The following RNF213 variants were observed in gnomAD, a reference collection of about 807,000 sequenced individuals.
The protein encoded by RNF213 is ring finger protein 213.
RNF213 carries 341 observed loss-of-function variants against 514.4 expected under a neutral mutation model. That is an observed-to-expected ratio of 0.66 (90% CI 0.61 to 0.73). RNF213 has a LOEUF of 0.73. RNF213 is among the 30% of genes least tolerant of loss of function. The pLI is 0.00. For synonymous variants in RNF213, 2,655 were observed against 2,658.2 expected (o/e 1.00, Z 0.04); for missense variants, 5,767 against 6,615.6 (o/e 0.87, Z 4.45).
chr17:80,335,809 C>G (rs1005331821), intron 22 of RNF213, among the ~76,000 whole-genome samples: 1 of 151,996 alleles, frequency 6.6e-6, no homozygotes, highest in Non-Finnish European at 1.5e-5. Context: ...AACCTGGTCT[C>G]TACTAAAAAT....
Position 80,291,639 on chromosome 17 carries a change from A to T in RNF213, c.1283A>T (p.His428Leu). 1 of 1,614,246 alleles carries T rather than the reference A, an allele frequency of 6.2e-7. No homozygotes were observed. The highest frequency in any genetic ancestry group is 8.5e-7 in the Non-Finnish European group (1 of 1,180,046). The part of the protein sequence containing the change: ...CELHYTRDLG[H>L]DRVLVEGIVC... ...CTGTTCATTCACAGAGACTTGGGTCATGACCGCGTTCTTGTTGAAGGCATT... is the reference window on the plus strand; with the variant it reads ...CTGTTCATTCACAGAGACTTGGGTCTTGACCGCGTTCTTGTTGAAGGCATT... Residue 428 changes from histidine (H) to leucine (L), a missense_variant, in exon 8 of 68, where the codon CAT becomes CTT. Physicochemically the swap from His to Leu is moderately conservative, Grantham distance 99. This residue lies in a region of RNF213 where 592 missense variants were observed against 673.9 expected (regional missense o/e 0.88). Transcript: ENST00000582970.
chr17:80,282,845 G>C (rs991641946), intron 3 of RNF213, among the ~76,000 whole-genome samples: 1 of 151,842 alleles, frequency 6.6e-6, no homozygotes, highest in Admixed American at 6.6e-5. Context: ...TTACAGGTGT[G>C]TGCCACCACG....
Position 80,287,860 on chromosome 17 carries a change from G to A in RNF213, c.307G>A (p.Ala103Thr), listed in dbSNP as rs1370518334. The A allele has an allele frequency of 5.0e-6, 8 of 1,604,096 alleles. No homozygotes were observed. Among genetic ancestry groups the A allele is most frequent in the East Asian group, 2.3e-5 (1 of 43,746 alleles). Residue 103 changes from alanine to threonine, a missense_variant, in exon 4 of 68, where the codon GCT becomes ACT. By Grantham distance (58) the Ala-to-Thr change is moderately conservative. Transcript: ENST00000582970. ...GAAGAAAAAGAAGGGGAACAAGTCC[G>A]CTTCCTCAGAGCTGGCTTCCTTGCC... Reference protein sequence around the residue: ...RKKKKKGNKSASSELASLPLS... With the variant: ...RKKKKKGNKSTSSELASLPLS...
rs182466675 is a variant in RNF213, at chr17:80,358,633, G to A, written c.11054+154G>A. 2.4e-3 allele frequency among the ~76,000 whole-genome samples: 361 copies of A among 152,280 alleles called. 6 individuals are homozygous for A. The highest frequency in any genetic ancestry group is 0.02 in the Admixed American group (302 of 15,296). On this transcript the variant is annotated intron_variant, in intron 37 of 67. Coordinates refer to ENST00000582970, the MANE Select transcript of RNF213 (RefSeq NM_001256071.3). ...TGCAGTAACAATAGGAAGTTTGGCC[G>A]GGCATGGTGGCTCACGCCTGTAATC...
In RNF213 at chr17:80,345,168, T is replaced by TG; in HGVS notation, c.6835dup (p.Val2279GlyfsTer7). 1 of 1,614,122 alleles carries TG rather than the reference T, an allele frequency of 6.2e-7. No homozygotes were observed. The highest frequency in any genetic ancestry group is 1.1e-5 in the South Asian group (1 of 91,084). ...TCTGACCAAAGCCCGGGGAAGCACATGGTCACCATGGATGGGGTTAGGGAA... is the reference window on the plus strand; with the variant it reads ...TCTGACCAAAGCCCGGGGAAGCACATGGGTCACCATGGATGGGGTTAGGGAA... On this transcript the variant is annotated frameshift_variant, in exon 29 of 68. Transcript: ENST00000582970. LOFTEE classifies it high-confidence loss of function. The surrounding 1 kb of genome is among the most constrained non-coding windows in gnomAD (Gnocchi z 6.0).
Position 80,337,821 on chromosome 17 carries a change from T to C in RNF213, c.4669-12T>C. ...CCCCAAGAAAGTGACTTCTAACCTA[T>C]GCTCTTCACAGATTTCCCCAGACAC... On this transcript the variant is annotated splice_polypyrimidine_tract_variant and intron_variant, in intron 24 of 67. Transcript: ENST00000582970. The C allele has an allele frequency of 6.5e-7, 1 of 1,536,944 alleles. No homozygotes were observed. Among genetic ancestry groups the C allele is most frequent in the Non-Finnish European group, 8.7e-7 (1 of 1,146,642 alleles).
At chr17:80,376,842 C>A in intron 52 of RNF213, 40 bp from the exon 53 acceptor site, 1 of 1,564,492 alleles carries the variant, frequency 6.4e-7, no homozygotes, top group Non-Finnish European at 8.8e-7. Context: ...AGGTGACAAG[C>A]TCACTTATCT....
At chr17:80,331,067 C>T (rs997311177) in intron 20 of RNF213, among the ~76,000 whole-genome samples, 6 of 152,126 alleles carry the variant, frequency 3.9e-5, no homozygotes, top group African/African-American at 9.7e-5. Flanking sequence ...GATCCATCCG[C>T]CTCAGCCTCC....
rs780091879 is a variant in RNF213, at chr17:80,345,301, G to T, written c.6966G>T (p.Leu2322=). The T allele has an allele frequency of 6.2e-7, 1 of 1,614,094 alleles. No homozygotes were observed. The highest frequency in any genetic ancestry group is 1.3e-5 in the African/African-American group (1 of 75,014). The change falls in exon 29 of 68, where the codon CTG becomes CTT. Residue 2322 remains leucine, a synonymous_variant. Coordinates refer to ENST00000582970, the MANE Select transcript of RNF213 (RefSeq NM_001256071.3). The surrounding 1 kb of genome is among the most constrained non-coding windows in gnomAD (Gnocchi z 6.0). ...HTTMTFIGFH[L]QPNINGSVDA... ...CCATGACATTCATCGGCTTCCATCT[G>T]CAGCCCAACATCAACGGCAGTGTCG...
chr17:80,386,623 C>T (rs1489486802), intron 62 of RNF213, 67 bp from the exon 63 acceptor site: 5 of 1,557,646 alleles, frequency 3.2e-6, no homozygotes, highest in East Asian at 4.5e-5. Context: ...AGCCTGCTCC[C>T]TGCAACATAG....
Position 80,377,088 on chromosome 17 carries a change from A to G in RNF213, c.13510+125A>G. ...TGCCTCAGGGTCCAAAACCACCTGC[A>G]TTCTACCGGTGGCGTCTGCAGAAGA... is the stretch of plus-strand genomic sequence containing the variant. On this transcript the variant is annotated intron_variant, in intron 53 of 67. Coordinates refer to ENST00000582970, the MANE Select transcript of RNF213 (RefSeq NM_001256071.3). This position sits in a 1 kb window ranked among gnomAD's most constrained non-coding sequence, Gnocchi z 4.1. 1 of 729,432 alleles carries G rather than the reference A, an allele frequency of 1.4e-6. No individual in the cohort carries two copies. The highest frequency in any genetic ancestry group is 2.4e-6 in the Non-Finnish European group (1 of 408,984). The allele number at this position is 729,432 out of a possible 1,614,324, so 45.2% of individuals were successfully genotyped here. A position where few individuals can be genotyped will look rare whatever the true frequency, so the allele number is the denominator to read the frequency against.
At chr17:80,307,358 G>C (rs1238893057) in intron 13 of RNF213, among the ~76,000 whole-genome samples, 157 bp downstream of exon 13, 1 of 125,644 alleles carries the variant, frequency 8.0e-6, no homozygotes, top group Non-Finnish European at 1.6e-5. Context: ...TAATATTGTC[G>C]TCTGTTTTTT....
At chr17:80,384,550 T>C (rs1176448254) in intron 59 of RNF213, among the ~76,000 whole-genome samples, 1 of 152,236 alleles carries the variant, frequency 6.6e-6, no homozygotes, top group Admixed American at 6.5e-5. Context: ...TGTTGGTCAG[T>C]TGAGGAGTAT....
chr17:80,375,839 C>A lies in RNF213; in HGVS notation c.13154C>A (p.Ser4385Tyr). Residue 4385 changes from serine (S) to tyrosine (Y), a missense_variant, in exon 51 of 68, where the codon TCC (serine) becomes TAC (tyrosine). Coordinates refer to ENST00000582970, the MANE Select transcript of RNF213 (RefSeq NM_001256071.3). ...LFREVAILYRSHNASLHPTPE... is the reference protein window; with the variant it reads ...LFREVAILYRYHNASLHPTPE... ...AGAGAGGTGGCTATTTTGTACAGAT[C>A]CCACAATGCAAGCCTCCACCCCACG... The A allele has an allele frequency of 6.2e-7, 1 of 1,613,860 alleles. No individual in the cohort carries two copies.
At chr17:80,281,529 C>CACTCACA (rs2044288557) in intron 3 of RNF213, among the ~76,000 whole-genome samples, 1 of 100,182 alleles carries the variant, frequency 1.0e-5, no homozygotes, top group Non-Finnish European at 2.3e-5. Context: ...ACACACATGC[C>CACTCACA]CCACTCATAC....
chr17:80,337,613 C>T lies in RNF213; in HGVS notation c.4555C>T (p.Leu1519=). The T allele has an allele frequency of 2.0e-6, 3 of 1,537,328 alleles. No homozygotes were observed. The highest frequency in any genetic ancestry group is 1.7e-4 in the Middle Eastern group (1 of 5,988). ...TGACTCCGCCAGGAACTTGGAATGG[C>T]TGAAGACTGTGAATGAGAGTCATGG... ...LCDSARNLEW[L]KTVNESHGSV... Residue 1519 remains leucine, a synonymous_variant, in exon 24 of 68, where the codon CTG becomes TTG. Coordinates refer to ENST00000582970, the MANE Select transcript of RNF213 (RefSeq NM_001256071.3).
intron 15 of RNF213, chr17:80,315,587 G>GGTC (rs2045877517): frequency 1.8e-4 from 1 of 5,474 alleles, no homozygotes; most frequent in Admixed American, 2.0e-3. Context: ...AGGTGATGGT[G>GGTC]GTGGTGGTGG....
chr17:80,369,488 T>C lies in RNF213; in HGVS notation c.12156-14T>C. On this transcript the variant is annotated splice_polypyrimidine_tract_variant and intron_variant, in intron 44 of 67. Transcript: ENST00000582970. ...AAACACCATCCACCTGTCTTCTGTT[T>C]CTCGTGTTCTAAGGGAAGCCATTGA... The C allele has an allele frequency of 6.2e-7, 1 of 1,612,514 alleles. No homozygotes were observed. The highest frequency in any genetic ancestry group is 1.1e-5 in the South Asian group (1 of 91,016).
At chr17:80,357,136 C>T (rs892740418) in intron 36 of RNF213, among the ~76,000 whole-genome samples, 45 of 152,128 alleles carry the variant, frequency 3.0e-4, no homozygotes, top group East Asian at 2.5e-3. Flanking sequence ...AGGCTGGTCT[C>T]GAACTCCTGA....
Sources: allele counts gnomAD v4.1 joint callset (sites outside exome capture counted in the v4.1 genomes callset), GRCh38; gene constraint gnomAD v4.1.1; regional missense constraint gnomAD v4.1.1; non-coding constraint Gnocchi (gnomAD v3.1); transcripts MANE v1.5; gene names NCBI Gene and HGNC (gene_info 2026-07-23, HGNC 2026-07-21).